The following CTNNA3 variants were observed in gnomAD, a reference collection of about 807,000 sequenced individuals.
The protein encoded by CTNNA3 is catenin alpha-3.
A neutral mutation model predicts 95.7 loss-of-function variants in CTNNA3; 76 were observed. That is an observed-to-expected ratio of 0.79 (90% CI 0.66 to 0.96). CTNNA3 has a LOEUF of 0.96. CTNNA3 is among the 40% of genes least tolerant of loss of function. The probability of loss-of-function intolerance (pLI) is 0.00; values close to 1 mark genes in which losing one functional copy is unlikely to be tolerated. For synonymous variants in CTNNA3, 431 were observed against 374.4 expected, an observed-to-expected ratio of 1.15 and a Z score of -1.74; for missense variants, 1,191 against 1,089.8, an observed-to-expected ratio of 1.09 and a Z score of -1.31.
chr10:66,470,145 G>A (rs1296695054), intron 11 of CTNNA3, among the ~76,000 whole-genome samples: 1 of 151,716 alleles, frequency 6.6e-6, no homozygotes, highest in Non-Finnish European at 1.5e-5. Flanking sequence ...TTGGATAGGA[G>A]GAACAACAAT....
chr10:66,775,944 T>C (rs1302058798), intron 7 of CTNNA3, among the ~76,000 whole-genome samples: 1 of 152,216 alleles, frequency 6.6e-6, no homozygotes, highest in Non-Finnish European at 1.5e-5. Flanking sequence ...CAGAGCCATA[T>C]TGGAATTTTG....
At position 66,194,754 on chromosome 10, in the gene CTNNA3, A is replaced by C. The variant is rs147690480; in HGVS notation, c.1884+85716T>G. Among the ~76,000 whole-genome samples, 28 of 152,316 alleles carry C rather than the reference A, an allele frequency of 1.8e-4. No homozygotes were observed. In the East Asian group the frequency reaches 5.4e-3, roughly 29 times the overall value. On this transcript the variant is annotated intron_variant, in intron 13 of 17. Coordinates refer to ENST00000433211, the MANE Select transcript of CTNNA3 (RefSeq NM_013266.4). ...GTCCTCATACAGTGGTCCATGAGAC[A>C]TGGGTCCTCACAGCACCTCATTATT...
At chr10:66,521,960 C>T (rs1841081937) in intron 10 of CTNNA3, among the ~76,000 whole-genome samples, 1 of 152,182 alleles carries the variant, frequency 6.6e-6, no homozygotes, top group Non-Finnish European at 1.5e-5. Context: ...TTTGGATACT[C>T]ATTGAGTGGA....
In CTNNA3 at chr10:67,696,028, G is replaced by A. The variant is rs1445943623; in HGVS notation, c.-34C>T. The A allele has an allele frequency of 6.6e-6, 1 of 151,610 alleles. No homozygotes were observed. Among genetic ancestry groups the A allele is most frequent in the Non-Finnish European group, 1.5e-5 (1 of 67,958 alleles). The allele number at this position is 151,610 out of a possible 1,614,324, so 9.4% of individuals were successfully genotyped here. On this transcript the variant is annotated 5_prime_UTR_variant, in exon 1 of 18. Coordinates refer to ENST00000433211, the MANE Select transcript of CTNNA3 (RefSeq NM_013266.4). ...TCTGTTTCTTCCTATAAAGTAAATGGGCTTAAAATTCAGCTCCCGTAGGGA... is the reference window on the plus strand; with the variant it reads ...TCTGTTTCTTCCTATAAAGTAAATGAGCTTAAAATTCAGCTCCCGTAGGGA...
At chr10:66,880,249 T>C (rs1292427126) in intron 7 of CTNNA3, among the ~76,000 whole-genome samples, 3 of 152,066 alleles carry the variant, frequency 2.0e-5, no homozygotes, top group Non-Finnish European at 2.9e-5. Flanking sequence ...CTCTGGACTA[T>C]GAGCTATAAG....
chr10:67,534,688 G>A (rs767123230), intron 4 of CTNNA3, among the ~76,000 whole-genome samples: 4 of 152,052 alleles, frequency 2.6e-5, no homozygotes, highest in African/African-American at 4.8e-5. Context: ...GTGTCTATTC[G>A]TGCAAGGGGA....
At chr10:67,618,986 C>A (rs1309936702) in intron 2 of CTNNA3, among the ~76,000 whole-genome samples, 1 of 152,156 alleles carries the variant, frequency 6.6e-6, no homozygotes, top group African/African-American at 2.4e-5. Flanking sequence ...AACTACAACA[C>A]AAACCACCAA....
At chr10:66,142,891 A>G (rs2083690679) in intron 13 of CTNNA3, among the ~76,000 whole-genome samples, 2 of 152,072 alleles carry the variant, frequency 1.3e-5, no homozygotes, top group Non-Finnish European at 2.9e-5. Flanking sequence ...GTTGCAGAGG[A>G]AGAAAAGTTA....
intron 9 of CTNNA3, among the ~76,000 whole-genome samples, chr10:66,734,412 A>G (rs1849063828): frequency 6.6e-6 from 1 of 152,106 alleles, no homozygotes; most frequent in African/African-American, 2.4e-5. Context: ...TATAATATTG[A>G]TATTTTTCAG....
chr10:67,514,036 C>T (rs1415162970), intron 5 of CTNNA3, among the ~76,000 whole-genome samples: 2 of 152,162 alleles, frequency 1.3e-5, no homozygotes, highest in East Asian at 3.9e-4. Context: ...TGGGGCCAGG[C>T]ACAGTAGTTC....
chr10:66,337,112 A>C (rs532755850), intron 12 of CTNNA3, among the ~76,000 whole-genome samples: 3 of 152,266 alleles, frequency 2.0e-5, no homozygotes, highest in Admixed American at 2.0e-4. Context: ...ATTTTTCATA[A>C]AAATATTGTT....
At chr10:66,835,860 G>A (rs1257663640) in intron 7 of CTNNA3, among the ~76,000 whole-genome samples, 1 of 152,046 alleles carries the variant, frequency 6.6e-6, no homozygotes, top group Non-Finnish European at 1.5e-5. Flanking sequence ...GGAATCCTGA[G>A]ACCCACCCCA....
chr10:66,724,833 A>G (rs2132648235), intron 9 of CTNNA3, among the ~76,000 whole-genome samples: 1 of 152,296 alleles, frequency 6.6e-6, no homozygotes, highest in East Asian at 1.9e-4. Flanking sequence ...CCTGTAATCA[A>G]CAAATATGTG....
chr10:66,893,202 C>G (rs1589384668), intron 7 of CTNNA3, among the ~76,000 whole-genome samples: 2 of 152,164 alleles, frequency 1.3e-5, no homozygotes, highest in Admixed American at 6.6e-5. Context: ...TTACAAAGCT[C>G]TCTATAGGGA....
At chr10:67,099,479 A>G (rs1858209390) in intron 7 of CTNNA3, 1 of 152,044 alleles carries the variant, frequency 6.6e-6, no homozygotes, top group Admixed American at 6.6e-5. Flanking sequence ...AATAACTGAA[A>G]ACAATGTCAA....
intron 11 of CTNNA3, among the ~76,000 whole-genome samples, chr10:66,415,567 C>T (rs1000190508): frequency 3.3e-5 from 5 of 152,056 alleles, no homozygotes; most frequent in African/African-American, 1.2e-4. Context: ...AAAATTGGCC[C>T]ACCTGTATGA....
At chr10:67,095,564 G>A (rs940973684) in intron 7 of CTNNA3, among the ~76,000 whole-genome samples, 1 of 151,188 alleles carries the variant, frequency 6.6e-6, no homozygotes, top group Non-Finnish European at 1.5e-5. Context: ...AATTGTGTGT[G>A]CACACACACA....
chr10:66,011,592 A>C (rs2079006319), intron 15 of CTNNA3, among the ~76,000 whole-genome samples: 1 of 152,182 alleles, frequency 6.6e-6, no homozygotes, highest in African/African-American at 2.4e-5. Flanking sequence ...CCAATTACAA[A>C]AAAAAATTGA....
chr10:67,632,665 T>A (rs1839183867), intron 2 of CTNNA3, among the ~76,000 whole-genome samples: 1 of 152,026 alleles, frequency 6.6e-6, no homozygotes, highest in African/African-American at 2.4e-5. Context: ...TTCCCACGGA[T>A]CTTTGTAATC....
Sources: allele counts gnomAD v4.1 joint callset (sites outside exome capture counted in the v4.1 genomes callset), GRCh38; gene constraint gnomAD v4.1.1; transcripts MANE v1.5; gene names NCBI Gene and HGNC (gene_info 2026-07-23, HGNC 2026-07-21).